Variants in MAD2L1BP observed in about 807,000 individuals in gnomAD.
MAD2L1BP encodes the protein MAD2L1-binding protein.
MAD2L1BP carries 22 observed loss-of-function variants against 28.4 expected under a neutral mutation model. The ratio of observed to expected loss-of-function variants is 0.77; its 90% CI spans 0.55 to 1.10. The LOEUF (loss-of-function observed/expected upper bound fraction) is 1.10, where lower values mean the gene tolerates loss of function less well. Ranked by LOEUF, MAD2L1BP falls within the 50% of genes least tolerant of loss-of-function variation. MAD2L1BP has a pLI of 0.00. For synonymous variants in MAD2L1BP, 146 were observed against 133.7 expected, an observed-to-expected ratio of 1.09 and a Z score of -0.63; for missense variants, 325 against 350.5, an observed-to-expected ratio of 0.93 and a Z score of 0.58.
chr6:43,633,819 C>T (rs1770053081), upstream of MAD2L1BP, among the ~76,000 whole-genome samples: 1 of 152,094 alleles, frequency 6.6e-6, no homozygotes, highest in Non-Finnish European at 1.5e-5. Context: ...AAGCAATCCT[C>T]CCACCTAAGC....
rs961631656 is a variant in MAD2L1BP at position 43,629,745 on chromosome 6, C to A, written c.-5C>A. 7.7e-6 allele frequency: 12 copies of A among 1,553,814 alleles called. No individual in the cohort carries two copies. The Admixed American group carries it at 1.6e-4, about 20-fold the overall frequency. On this transcript the variant is annotated 5_prime_UTR_variant, in exon 1 of 4. Transcript: ENST00000451025. ...GGCTCCGCCTCTGCCTCAGTTTCTTCCCCTATGGCCCGCGTGCCGCTGGGG... is the reference window on the plus strand; with the variant it reads ...GGCTCCGCCTCTGCCTCAGTTTCTTACCCTATGGCCCGCGTGCCGCTGGGG...
Position 43,636,821 on chromosome 6 carries a change from C to T in MAD2L1BP, c.312+175C>T. On this transcript the variant is annotated intron_variant, in intron 2 of 2. Transcript: ENST00000372171. ...GGTAGCCTAACCCTTCTGGCTTTTT[C>T]AACTGTTCTTTCTTTCTGAAACTCA... 5.7e-6 allele frequency: 4 copies of T among 697,882 alleles called. No homozygotes were observed. In the South Asian group the frequency reaches 7.8e-5, roughly 14 times the overall value. 43.2% of individuals were successfully genotyped at this position (697,882 alleles called of 1,614,324 possible).
chr6:43,635,791 G>A, upstream of MAD2L1BP: 16 of 1,369,068 alleles, frequency 1.2e-5, no homozygotes, highest in Non-Finnish European at 1.5e-5. Flanking sequence ...CGACCCAACT[G>A]AGCCGGAAGT....
At chr6:43,638,570 G>A (rs1358388447) in intron 2 of MAD2L1BP, among the ~76,000 whole-genome samples, 1 of 151,838 alleles carries the variant, frequency 6.6e-6, no homozygotes, top group East Asian at 2.0e-4. Context: ...GCTGAGGCAG[G>A]CGAATCACGA....
At chr6:43,636,763 G>T in intron 2 of MAD2L1BP, 117 bp downstream of exon 2, 1 of 1,236,962 alleles carries the variant, frequency 8.1e-7, no homozygotes, top group Non-Finnish European at 1.1e-6. Context: ...CAGCTTCCAG[G>T]GCTTCGGTCA....
chr6:43,638,669 G>A (rs1258226149), intron 2 of MAD2L1BP, among the ~76,000 whole-genome samples: 4 of 151,858 alleles, frequency 2.6e-5, no homozygotes, highest in African/African-American at 7.3e-5. Context: ...GGTGGTGGGC[G>A]CCTGTAGTCC....
upstream of MAD2L1BP, among the ~76,000 whole-genome samples, chr6:43,632,318 A>G (rs140777782): frequency 4.9e-4 from 72 of 147,882 alleles, no homozygotes; most frequent in East Asian, 6.0e-3. Flanking sequence ...CTGGAATGCA[A>G]TGGCACAATC....
intron 2 of MAD2L1BP, among the ~76,000 whole-genome samples, chr6:43,639,512 C>T (rs1353533303): frequency 2.0e-5 from 3 of 152,210 alleles, no homozygotes; most frequent in Non-Finnish European, 4.4e-5. Flanking sequence ...CAGTTCTTTC[C>T]TCTTGGGAGT....
chr6:43,638,843 G>A (rs1429096606), intron 2 of MAD2L1BP, among the ~76,000 whole-genome samples: 2 of 152,022 alleles, frequency 1.3e-5, no homozygotes, highest in African/African-American at 4.8e-5. Flanking sequence ...GTGCATGCCT[G>A]GGCCTTATGA....
intron 2 of MAD2L1BP, chr6:43,636,872 T>G: frequency 5.3e-6 from 3 of 567,130 alleles, no homozygotes; most frequent in South Asian, 2.2e-5. Context: ...CTTAATGAAC[T>G]GGCTCTTTGC....
upstream of MAD2L1BP, chr6:43,635,760 G>C: frequency 1.8e-6 from 2 of 1,084,000 alleles, no homozygotes; most frequent in Non-Finnish European, 1.3e-6. Flanking sequence ...CCCACACTGC[G>C]GCGACGCCGC....
chr6:43,635,861 G>A lies in MAD2L1BP; in HGVS notation c.-15G>A. The stretch of plus-strand genomic sequence containing the variant: ...CTTTATTCTAACCGCAAGGAGTAGC[G>A]GAGGGGAGGTCGTGATGGCGGCGCC... On this transcript the variant is annotated 5_prime_UTR_variant, in exon 1 of 3. Coordinates refer to ENST00000372171, the MANE Select transcript of MAD2L1BP (RefSeq NM_014628.3). 6.8e-7 allele frequency: 1 copy of A among 1,476,384 alleles called. No homozygotes were observed. The highest frequency in any genetic ancestry group is 2.8e-5 in the East Asian group (1 of 35,400). 91.5% of individuals were successfully genotyped at this position (1,476,384 alleles called of 1,614,324 possible).
upstream of MAD2L1BP, among the ~76,000 whole-genome samples, chr6:43,633,469 G>A (rs1460514123): frequency 6.6e-6 from 1 of 152,074 alleles, no homozygotes; most frequent in Non-Finnish European, 1.5e-5. Context: ...ACTGTGCCTG[G>A]CCTCTAATTG....
At chr6:43,634,147 C>A (rs189298202), upstream of MAD2L1BP, among the ~76,000 whole-genome samples, 66 of 152,050 alleles carry the variant, frequency 4.3e-4, no homozygotes, top group African/African-American at 1.5e-3. Flanking sequence ...CTCCTACTCA[C>A]CTCCCACCCC....
At chr6:43,629,979 G>A (rs58284890) in intron 1 of MAD2L1BP, among the ~76,000 whole-genome samples, 5,000 of 152,332 alleles carry the variant, frequency 0.033, 268 homozygotes, top group African/African-American at 0.11. Flanking sequence ...CCCGAAGGCT[G>A]CAAGCATACC....
At position 43,640,408 on chromosome 6, in the gene MAD2L1BP, G is replaced by A. The variant is rs745519010; in HGVS notation, c.700G>A (p.Val234Met). 6 of 1,613,796 alleles carry A rather than the reference G, an allele frequency of 3.7e-6. No homozygotes were observed. The highest frequency in any genetic ancestry group is 5.1e-6 in the Non-Finnish European group (6 of 1,180,020). The change falls in exon 3 of 3, where the codon GTG becomes ATG. Residue 234 changes from valine (V) to methionine (M), a missense_variant. Physicochemically the swap from Val to Met is conservative, Grantham distance 21. Transcript: ENST00000372171. ...GTTTCGACCCAAGCTCAACTATCGAGTGCCCAGCCGGGGCCATAAACTGAC... is the reference window on the plus strand; with the variant it reads ...GTTTCGACCCAAGCTCAACTATCGAATGCCCAGCCGGGGCCATAAACTGAC... Reference protein sequence around the residue: ...DWFRPKLNYRVPSRGHKLTVT... With the variant: ...DWFRPKLNYRMPSRGHKLTVT...
chr6:43,637,506 A>T (rs1419511408), intron 2 of MAD2L1BP, among the ~76,000 whole-genome samples: 1 of 143,904 alleles, frequency 6.9e-6, no homozygotes, highest in African/African-American at 2.6e-5. Flanking sequence ...GCTCACTGCA[A>T]CCCCAATCTC....
At position 43,635,916 on chromosome 6, in the gene MAD2L1BP, T is replaced by A; in HGVS notation, c.41T>A (p.Val14Asp). 1 of 1,504,124 alleles carries A rather than the reference T, an allele frequency of 6.6e-7. No homozygotes were observed. 93.2% of individuals were successfully genotyped at this position (1,504,124 alleles called of 1,614,324 possible). A position where few individuals can be genotyped will look rare whatever the true frequency, so the allele number is the denominator to read the frequency against. Residue 14 changes from valine to aspartate, a missense_variant, in exon 1 of 3, where the codon GTC (valine) becomes GAC (aspartate). By Grantham distance (152) the Val-to-Asp change is radical. Coordinates refer to ENST00000372171, the MANE Select transcript of MAD2L1BP (RefSeq NM_014628.3). ...GCGGAGGTTCTGTCCTCAGCCGCAG[T>A]CCCTGGTAAGGCGTGGGGCCAAGAG... ...PEAEVLSSAA[V>D]PDLEWYEKSE...
Position 43,635,863 on chromosome 6 carries a change from A to AG in MAD2L1BP, c.-9dup. On this transcript the variant is annotated 5_prime_UTR_variant, in exon 1 of 3. Transcript: ENST00000372171. ...TTATTCTAACCGCAAGGAGTAGCGG[A>AG]GGGGAGGTCGTGATGGCGGCGCCGG... 6.8e-7 allele frequency: 1 copy of AG among 1,476,050 alleles called. No homozygotes were observed. The highest frequency in any genetic ancestry group is 8.9e-7 in the Non-Finnish European group (1 of 1,120,082). 91.4% of individuals were successfully genotyped at this position (1,476,050 alleles called of 1,614,324 possible). A position where few individuals can be genotyped will look rare whatever the true frequency, so the allele number is the denominator to read the frequency against.
Sources: allele counts gnomAD v4.1 joint callset (sites outside exome capture counted in the v4.1 genomes callset), GRCh38; gene constraint gnomAD v4.1.1; transcripts MANE v1.5; gene names NCBI Gene and HGNC (gene_info 2026-07-23, HGNC 2026-07-21).